Variants in BBOX1 observed in about 807,000 individuals in gnomAD.
The protein encoded by BBOX1 is gamma-butyrobetaine hydroxylase 1.
A neutral mutation model predicts 41.6 loss-of-function variants in BBOX1; 35 were observed. The ratio of observed to expected loss-of-function variants is 0.84; its 90% CI spans 0.64 to 1.11. BBOX1 has a LOEUF of 1.11. Among genes scored for constraint, BBOX1 ranks in the 50% most tolerant of loss-of-function variants. The pLI is 0.00. For missense variants in BBOX1, 458 were observed against 460.6 expected, an observed-to-expected ratio of 0.99 and a Z score of 0.05; for synonymous variants, 163 against 154.7, an observed-to-expected ratio of 1.05 and a Z score of -0.40.
chr11:27,064,923 A>G (rs1334499822), intron 4 of BBOX1, among the ~76,000 whole-genome samples: 1 of 151,364 alleles, frequency 6.6e-6, no homozygotes, highest in African/African-American at 2.4e-5. Flanking sequence ...AAAAACAACA[A>G]AAAAAACATC....
At position 27,125,721 on chromosome 11, in the gene BBOX1, G is replaced by A. The variant is rs1267531172; in HGVS notation, c.904G>A (p.Val302Met). 6.2e-7 allele frequency: 1 copy of A among 1,612,326 alleles called. No homozygotes were observed. The highest frequency in any genetic ancestry group is 8.5e-7 in the Non-Finnish European group (1 of 1,179,054). Residue 302 changes from valine to methionine, a missense_variant, in exon 8 of 9, where the codon GTG becomes ATG. By Grantham distance (21) the Val-to-Met change is conservative (BLOSUM62 1). Coordinates refer to ENST00000263182, the MANE Select transcript of BBOX1 (RefSeq NM_003986.3). ...CGCAACTAGGGACACAATATTTGATGTGCCTGTTGAAAGAGTTCAGCCTTT... is the reference window on the plus strand; with the variant it reads ...CGCAACTAGGGACACAATATTTGATATGCCTGTTGAAAGAGTTCAGCCTTT... ...NNATRDTIFD[V>M]PVERVQPFYA...
chr11:27,045,094 C>G (rs971566617), intron 2 of BBOX1, among the ~76,000 whole-genome samples: 5 of 152,110 alleles, frequency 3.3e-5, no homozygotes, highest in Non-Finnish European at 2.9e-5. Flanking sequence ...TGTGTCCTCT[C>G]TTATTTCCTT....
At chr11:27,081,940 T>C (rs1309939585) in intron 4 of BBOX1, among the ~76,000 whole-genome samples, 1 of 152,204 alleles carries the variant, frequency 6.6e-6, no homozygotes, top group Admixed American at 6.5e-5. Flanking sequence ...AAGTTCTTTG[T>C]AGATTCTGGA....
At chr11:27,060,498 T>C (rs1380401133) in intron 4 of BBOX1, among the ~76,000 whole-genome samples, 1 of 152,208 alleles carries the variant, frequency 6.6e-6, no homozygotes, top group Non-Finnish European at 1.5e-5. Flanking sequence ...TATACCAGCC[T>C]TGTTGAGTTT....
At position 27,125,795 on chromosome 11, in the gene BBOX1, C is replaced by A; in HGVS notation, c.978C>A (p.Ser326=). 6.2e-7 allele frequency: 1 copy of A among 1,610,506 alleles called. No individual in the cohort carries two copies. Among genetic ancestry groups the A allele is most frequent in the Non-Finnish European group, 8.5e-7 (1 of 1,178,870 alleles). ...EFVDLMNSKE[S]KFTFKMNPGD... Reference sequence around the variant, plus strand: ...TTGACCTCATGAACAGCAAAGAATCCAAGTTTACCTTCAAGATGAATCCAG... The same window carrying A: ...TTGACCTCATGAACAGCAAAGAATCAAAGTTTACCTTCAAGATGAATCCAG... The change falls in exon 8 of 9, where the codon TCC becomes TCA. Residue 326 remains serine, a synonymous_variant. Coordinates refer to ENST00000263182, the MANE Select transcript of BBOX1 (RefSeq NM_003986.3).
intron 4 of BBOX1, among the ~76,000 whole-genome samples, chr11:27,062,363 A>G (rs540190122): frequency 6.6e-6 from 1 of 152,182 alleles, no homozygotes. Context: ...CAGATATGCC[A>G]TCCCCTTAGC....
intron 5 of BBOX1, among the ~76,000 whole-genome samples, chr11:27,115,213 T>C (rs1461848715): frequency 6.6e-6 from 1 of 151,878 alleles, no homozygotes; most frequent in African/African-American, 2.4e-5. Flanking sequence ...CTTTATAAAC[T>C]GTAGGATAGA....
chr11:27,127,164 C>G (rs1466918186), intron 8 of BBOX1, 129 bp from the exon 9 acceptor site: 1 of 1,024,776 alleles, frequency 9.8e-7, no homozygotes, highest in Admixed American at 2.6e-5. Context: ...TGTGCAGTTT[C>G]ATGTAAAGAA....
chr11:27,061,286 C>T (rs1554936433), intron 4 of BBOX1, among the ~76,000 whole-genome samples: 1 of 152,150 alleles, frequency 6.6e-6, no homozygotes, highest in African/African-American at 2.4e-5. Flanking sequence ...AATGATACTA[C>T]ACTCAATTAA....
intron 2 of BBOX1, among the ~76,000 whole-genome samples, chr11:27,044,044 C>T (rs1305367572): frequency 2.6e-5 from 4 of 152,150 alleles, no homozygotes; most frequent in Non-Finnish European, 5.9e-5. Context: ...GTTTGAACTA[C>T]TTTATATTCC....
chr11:27,118,537 C>T lies in BBOX1; in HGVS notation c.640-1112C>T, dbSNP rs576076785. ...CTTTAATGAAACAGAGATGTTGCTT[C>T]ACTCACTGTTTTTGCAGAAGTCACA... On this transcript the variant is annotated intron_variant, in intron 6 of 8. Coordinates refer to ENST00000263182, the MANE Select transcript of BBOX1 (RefSeq NM_003986.3). Among the ~76,000 whole-genome samples the T allele has an allele frequency of 1.1e-4, 17 of 152,042 alleles. No homozygotes were observed. The South Asian group carries it at 3.5e-3, about 32-fold the overall frequency.
At position 27,115,442 on chromosome 11, in the gene BBOX1, C is replaced by A. The variant is rs756445460; in HGVS notation, c.534-10C>A. On this transcript the variant is annotated splice_polypyrimidine_tract_variant and intron_variant, in intron 5 of 8. Coordinates refer to ENST00000263182, the MANE Select transcript of BBOX1 (RefSeq NM_003986.3). ...AACCTGTTTAAACATGTGTTTCTTG[C>A]ATTTTACAGACATACTTGGCAAGTG... is the stretch of plus-strand genomic sequence containing the variant. The A allele has an allele frequency of 1.2e-6, 2 of 1,601,774 alleles. No individual in the cohort carries two copies. The highest frequency in any genetic ancestry group is 1.1e-5 in the South Asian group (1 of 89,802).
chr11:27,108,395 T>C (rs1294171596), intron 5 of BBOX1, among the ~76,000 whole-genome samples: 1 of 152,164 alleles, frequency 6.6e-6, no homozygotes, highest in Non-Finnish European at 1.5e-5. Flanking sequence ...CTATTGATCG[T>C]GCAAACCGCA....
intron 5 of BBOX1, among the ~76,000 whole-genome samples, chr11:27,106,156 A>G (rs1049116785): frequency 3.9e-5 from 6 of 152,118 alleles, no homozygotes; most frequent in African/African-American, 7.2e-5. Flanking sequence ...TGTAAAGACC[A>G]TCGATGTTAG....
intron 5 of BBOX1, among the ~76,000 whole-genome samples, chr11:27,095,489 A>T (rs1858407647): frequency 6.6e-6 from 1 of 151,854 alleles, no homozygotes; most frequent in African/African-American, 2.4e-5. Context: ...ACAAATCAGA[A>T]CTCCTACTAC....
chr11:27,110,039 G>A (rs192439377), intron 5 of BBOX1, among the ~76,000 whole-genome samples: 8 of 151,994 alleles, frequency 5.3e-5, no homozygotes, highest in Non-Finnish European at 1.0e-4. Flanking sequence ...CCCCCACCTG[G>A]TTTCTGAACC....
intron 5 of BBOX1, among the ~76,000 whole-genome samples, chr11:27,113,888 C>T (rs187733374): frequency 2.7e-5 from 4 of 150,620 alleles, no homozygotes; most frequent in Admixed American, 6.6e-5. Context: ...GATTCAACAT[C>T]GCACCAATAT....
intron 2 of BBOX1, among the ~76,000 whole-genome samples, chr11:27,045,775 T>C (rs1564949443): frequency 6.6e-6 from 1 of 152,164 alleles, no homozygotes; most frequent in Non-Finnish European, 1.5e-5. Flanking sequence ...AATAACAGCC[T>C]TTTATTCTGA....
At chr11:27,117,661 T>C (rs1442483771) in intron 6 of BBOX1, among the ~76,000 whole-genome samples, 3 of 152,004 alleles carry the variant, frequency 2.0e-5, no homozygotes, top group Non-Finnish European at 2.9e-5. Context: ...CTTTTAAGAA[T>C]TTAAGTTTTG....
Sources: allele counts gnomAD v4.1 joint callset (sites outside exome capture counted in the v4.1 genomes callset), GRCh38; gene constraint gnomAD v4.1.1; transcripts MANE v1.5; gene names NCBI Gene and HGNC (gene_info 2026-07-23, HGNC 2026-07-21).